The following OTUD7B variants were observed in gnomAD, a reference collection of about 807,000 sequenced individuals.
The protein encoded by OTUD7B is OTU domain-containing protein 7B.
OTUD7B carries 34 observed loss-of-function variants against 82.2 expected under a neutral mutation model. The observed-to-expected ratio is 0.41, with a 90% CI of 0.31 to 0.55. The LOEUF (loss-of-function observed/expected upper bound fraction) is 0.55, where lower values mean the gene tolerates loss of function less well. Among genes scored for constraint, OTUD7B ranks in the 20% least tolerant of loss-of-function variants. The probability of loss-of-function intolerance (pLI) is 0.20; values close to 1 mark genes in which losing one functional copy is unlikely to be tolerated. For synonymous variants in OTUD7B, 398 were observed against 402.7 expected (o/e 0.99, Z 0.14); for missense variants, 944 against 1,062.1 (o/e 0.89, Z 1.55).
intron 1 of OTUD7B, among the ~76,000 whole-genome samples, chr1:150,008,292 A>G (rs1571746256): frequency 6.6e-6 from 1 of 152,242 alleles, no homozygotes; most frequent in East Asian, 1.9e-4. Context: ...GCACCAATCA[A>G]CTCACACAGA....
At chr1:150,000,556 GT>G (rs1553784497) in intron 1 of OTUD7B, among the ~76,000 whole-genome samples, 1 of 151,978 alleles carries the variant, frequency 6.6e-6, no homozygotes, top group East Asian at 1.9e-4. Flanking sequence ...TAAAATTTAG[GT>G]GACTGAATGA....
the OTUD7B span, among the ~76,000 whole-genome samples, chr1:150,029,138 G>C: frequency 5.6e-3 from 846 of 152,286 alleles, 5 homozygotes; most frequent in African/African-American, 0.019. Context: ...TTGATGGTGA[G>C]TTAGGAAATT....
At chr1:150,051,739 G>T in the OTUD7B span, among the ~76,000 whole-genome samples, 6,719 of 152,106 alleles carry the variant, frequency 0.044, 483 homozygotes, top group African/African-American at 0.15. Context: ...ATGAAAGGTG[G>T]TTGTTATTAT....
intron 2 of OTUD7B, among the ~76,000 whole-genome samples, chr1:149,973,556 G>A (rs1650074243): frequency 6.6e-6 from 1 of 152,160 alleles, no homozygotes; most frequent in Admixed American, 6.5e-5. Context: ...CACGATCTCG[G>A]CTCACTGGAA....
chr1:150,016,810 A>G, the OTUD7B span, among the ~76,000 whole-genome samples: 9 of 152,146 alleles, frequency 5.9e-5, no homozygotes, highest in Non-Finnish European at 1.2e-4. Flanking sequence ...CATGCTACCA[A>G]TGTGATGTTG....
At chr1:150,015,290 C>CTTTTTTTTTTTTTTTTT (rs60374988), upstream of OTUD7B, among the ~76,000 whole-genome samples, 26 of 128,974 alleles carry the variant, frequency 2.0e-4, no homozygotes, top group East Asian at 2.2e-4. Context: ...TTTTCTTTCT[C>CTTTTTTTTTTTTTTTTT]TTTTTTTTTT....
chr1:149,971,114 G>T lies in OTUD7B; in HGVS notation c.223C>A (p.Pro75Thr). 1 of 1,613,294 alleles carries T rather than the reference G, an allele frequency of 6.2e-7. No homozygotes were observed. Among genetic ancestry groups the T allele is most frequent in the Non-Finnish European group, 8.5e-7 (1 of 1,179,388 alleles). ...TPEKGFSDRE[P>T]TRPPRPILQR... is the part of the protein sequence containing the mutation. ...AGGATGGGTCGGGGAGGGCGAGTAG[G>T]CTCTCTGTCAGAAAACCCTTTTTCA... The change falls in exon 3 of 12, where the codon CCT (proline) becomes ACT (threonine). Residue 75 changes from proline (P) to threonine (T), a missense_variant. By Grantham distance (38) the Pro-to-Thr change is conservative. Around this residue, in one of 3 missense-constraint regions of OTUD7B, gnomAD observed 530 missense variants for 625.6 expected, o/e 0.85. Coordinates refer to ENST00000581312, the MANE Select transcript of OTUD7B (RefSeq NM_020205.4).
At position 149,939,567 on chromosome 1, in the gene OTUD7B, C is replaced by T. The variant is rs1377916440; in HGVS notation, c.*4290G>A. On this transcript the variant is annotated 3_prime_UTR_variant, in exon 12 of 12. Coordinates refer to ENST00000581312, the MANE Select transcript of OTUD7B (RefSeq NM_020205.4). The stretch of plus-strand genomic sequence containing the variant: ...ATCTGGAGTGCAGGTGATTCCAGGC[C>T]GGGAAGGGGCTTCTAATTCTGTCTT... 2.0e-5 allele frequency: 3 copies of T among 151,994 alleles called. No individual in the cohort carries two copies. Among genetic ancestry groups the T allele is most frequent in the Admixed American group, 6.5e-5 (1 of 15,268 alleles). 9.4% of individuals were successfully genotyped at this position (151,994 alleles called of 1,614,324 possible). A position where few individuals can be genotyped will look rare whatever the true frequency, so the allele number is the denominator to read the frequency against.
chr1:149,989,652 T>A (rs1165678436), intron 1 of OTUD7B, among the ~76,000 whole-genome samples: 1 of 147,102 alleles, frequency 6.8e-6, no homozygotes, highest in Admixed American at 6.9e-5. Flanking sequence ...GCCAAGAGGA[T>A]CAATCGAGGC....
intron 2 of OTUD7B, 76 bp from the exon 3 acceptor site, chr1:149,971,327 C>A: frequency 3.0e-6 from 3 of 1,016,504 alleles, no homozygotes; most frequent in South Asian, 1.7e-5. Context: ...ACTATCCTAT[C>A]AAAACCAGTA....
intron 1 of OTUD7B, among the ~76,000 whole-genome samples, chr1:149,986,846 A>G (rs1451105166): frequency 6.6e-6 from 1 of 152,196 alleles, no homozygotes; most frequent in Non-Finnish European, 1.5e-5. Context: ...TTTAGTTAAT[A>G]TGGGTCCTTC....
At chr1:149,983,538 T>C (rs1357555140) in intron 1 of OTUD7B, among the ~76,000 whole-genome samples, 17 of 151,988 alleles carry the variant, frequency 1.1e-4, no homozygotes, top group Admixed American at 3.3e-4. Flanking sequence ...TTAAGATTAA[T>C]TAAGATTAAG....
At chr1:150,042,625 C>G in the OTUD7B span, among the ~76,000 whole-genome samples, 1 of 152,220 alleles carries the variant, frequency 6.6e-6, no homozygotes, top group South Asian at 2.1e-4. Context: ...CCAAGACTGG[C>G]CCCATCCACT....
At position 149,939,106 on chromosome 1, in the gene OTUD7B, G is replaced by A. The variant is rs906681655; in HGVS notation, c.*4751C>T. 3.3e-5 allele frequency: 5 copies of A among 152,218 alleles called. No homozygotes were observed. Among genetic ancestry groups the A allele is most frequent in the African/African-American group, 1.2e-4 (5 of 41,406 alleles). 9.4% of individuals were successfully genotyped at this position (152,218 alleles called of 1,614,324 possible). ...CACTAGATGAAGGGAAGGGTGGAGA[G>A]GCAAGGGGCTATATCAGATTTTTCC... On this transcript the variant is annotated 3_prime_UTR_variant, in exon 12 of 12. Coordinates refer to ENST00000581312, the MANE Select transcript of OTUD7B (RefSeq NM_020205.4).
the OTUD7B span, among the ~76,000 whole-genome samples, chr1:150,020,801 T>C: frequency 6.6e-6 from 1 of 152,248 alleles, no homozygotes; most frequent in Non-Finnish European, 1.5e-5. Flanking sequence ...TAGGCCCCTA[T>C]CATATAATTA....
chr1:150,060,358 G>A, the OTUD7B span, among the ~76,000 whole-genome samples: 1 of 151,766 alleles, frequency 6.6e-6, no homozygotes, highest in South Asian at 2.1e-4. Flanking sequence ...TATGATTGGT[G>A]TCCTTATGAG....
the OTUD7B span, among the ~76,000 whole-genome samples, chr1:150,064,139 C>T: frequency 3.3e-5 from 5 of 152,194 alleles, no homozygotes; most frequent in East Asian, 3.9e-4. Flanking sequence ...TTCTAATAAT[C>T]GAAGCTGATA....
At chr1:150,001,536 T>C (rs1652281531) in intron 1 of OTUD7B, among the ~76,000 whole-genome samples, 3 of 152,160 alleles carry the variant, frequency 2.0e-5, no homozygotes, top group African/African-American at 4.8e-5. Context: ...CCTTCCCACA[T>C]AATTTAAATG....
Position 149,943,463 on chromosome 1 carries a change from T to G in OTUD7B, c.*394A>C. On this transcript the variant is annotated 3_prime_UTR_variant, in exon 12 of 12. Transcript: ENST00000581312. ...TTTCCCAACCTAAAGAACTTTGGTT[T>G]TATTGACTGAGAACCTCCTTTGCCC... The G allele has an allele frequency of 5.5e-6, 1 of 182,336 alleles. No individual in the cohort carries two copies. The allele number at this position is 182,336 out of a possible 1,614,324, so 11.3% of individuals were successfully genotyped here. A position where few individuals can be genotyped will look rare whatever the true frequency, so the allele number is the denominator to read the frequency against.
Sources: allele counts gnomAD v4.1 joint callset (sites outside exome capture counted in the v4.1 genomes callset), GRCh38; gene constraint gnomAD v4.1.1; regional missense constraint gnomAD v4.1.1; transcripts MANE v1.5; gene names NCBI Gene and HGNC (gene_info 2026-07-23, HGNC 2026-07-21).